The following FBXW7 variants were observed in gnomAD, a reference collection of about 807,000 sequenced individuals.
FBXW7 encodes F-box/WD repeat-containing protein 7.
In FBXW7, 11 loss-of-function variants were observed where a neutral mutation model predicts 86.3. The ratio of observed to expected loss-of-function variants is 0.13; its 90% CI spans 0.08 to 0.21. The LOEUF (loss-of-function observed/expected upper bound fraction) is 0.21. FBXW7 is among the 10% of genes least tolerant of loss of function. FBXW7 has a pLI of 1.00. For missense variants in FBXW7, 488 were observed against 847.4 expected (o/e 0.58, Z 5.27); for synonymous variants, 313 against 297.9 (o/e 1.05, Z -0.52).
At chr4:152,397,125 AGT>A (rs1243964154) in intron 4 of FBXW7, among the ~76,000 whole-genome samples, 1 of 151,976 alleles carries the variant, frequency 6.6e-6, no homozygotes, top group Non-Finnish European at 1.5e-5. Context: ...AGGTGTAAAC[AGT>A]GTGTTTCCTC....
At chr4:152,521,381 G>GGT (rs1220291201) in intron 2 of FBXW7, among the ~76,000 whole-genome samples, 1 of 152,044 alleles carries the variant, frequency 6.6e-6, no homozygotes, top group Non-Finnish European at 1.5e-5. Flanking sequence ...GAAACAGCAA[G>GGT]GTGTAGAGAC....
intron 2 of FBXW7, chr4:152,530,638 T>A (rs191142797): frequency 6.6e-6 from 1 of 152,240 alleles, no homozygotes; most frequent in Non-Finnish European, 1.5e-5. Context: ...TTATGCAGAA[T>A]CATTTTAAAT....
rs748134042 is a variant in FBXW7, at chr4:152,328,192, C to T, written c.1418+16G>A. On this transcript the variant is annotated intron_variant, in intron 11 of 13. Transcript: ENST00000281708. ...ATAGAGGAAGAAGTCCCAACCATGA[C>T]AAGATTTTCCCTTACCTTTTTTCAT... The T allele has an allele frequency of 1.9e-6, 3 of 1,577,164 alleles. No individual in the cohort carries two copies. The highest frequency in any genetic ancestry group is 1.7e-4 in the Middle Eastern group (1 of 5,954).
chr4:152,503,418 C>T (rs1035782079), intron 2 of FBXW7, among the ~76,000 whole-genome samples: 2 of 151,934 alleles, frequency 1.3e-5, no homozygotes, highest in African/African-American at 4.8e-5. Flanking sequence ...TACAGATGCA[C>T]ACCACCACGC....
chr4:152,434,959 C>T (rs1333656671), intron 2 of FBXW7, among the ~76,000 whole-genome samples: 1 of 45,692 alleles, frequency 2.2e-5, no homozygotes. Context: ...TCCCCCCGCT[C>T]CCCCCCCCCC....
intron 2 of FBXW7, among the ~76,000 whole-genome samples, chr4:152,496,322 A>T (rs1027167668): frequency 6.6e-6 from 1 of 152,180 alleles, no homozygotes; most frequent in African/African-American, 2.4e-5. Context: ...TTTTATAAAA[A>T]TTTGCCATTC....
Position 152,483,015 on chromosome 4 carries a change from A to G in FBXW7, c.-120+51926T>C, listed in dbSNP as rs1280360981. ...GGTCACAAAGATCTTATTCTTTTTA[A>G]TCAGCTTGCTAATATTCTAAAATAC... On this transcript the variant is annotated intron_variant, in intron 2 of 13. Transcript: ENST00000281708. Among the ~76,000 whole-genome samples the G allele has an allele frequency of 2.6e-5, 4 of 152,136 alleles. No individual in the cohort carries two copies. The South Asian group carries it at 8.3e-4, about 31-fold the overall frequency.
chr4:152,335,576 T>A (rs938232460), intron 7 of FBXW7, among the ~76,000 whole-genome samples: 1 of 152,244 alleles, frequency 6.6e-6, no homozygotes, highest in African/African-American at 2.4e-5. Context: ...AGATTAGTAT[T>A]TCTTCCTAAA....
rs544980326 is a variant in FBXW7 at position 152,369,745 on chromosome 4, C to A, written c.502-19621G>T. On this transcript the variant is annotated intron_variant, in intron 4 of 13. Transcript: ENST00000281708. The stretch of plus-strand genomic sequence containing the variant: ...ATGACACAGAGTAAGGGCAAAACTG[C>A]ACTGATCTTGGTATTTTCCGGTTTT... Among the ~76,000 whole-genome samples the A allele has an allele frequency of 5.3e-5, 8 of 152,102 alleles. No homozygotes were observed. The South Asian group carries it at 1.7e-3, about 32-fold the overall frequency.
chr4:152,483,447 T>C (rs1745068474), intron 2 of FBXW7, among the ~76,000 whole-genome samples: 1 of 150,728 alleles, frequency 6.6e-6, no homozygotes, highest in South Asian at 2.1e-4. Flanking sequence ...CTAACACCTG[T>C]AATCCCAGCT....
At chr4:152,323,488 T>C (rs1325503916) in intron 13 of FBXW7, 2 of 314,756 alleles carry the variant, frequency 6.4e-6, no homozygotes, top group Non-Finnish European at 1.2e-5. Context: ...GATGGACAAA[T>C]GAGCACTAAG....
intron 2 of FBXW7, among the ~76,000 whole-genome samples, chr4:152,489,730 T>G (rs1745666025): frequency 2.0e-5 from 3 of 152,074 alleles, no homozygotes; most frequent in African/African-American, 7.2e-5. Flanking sequence ...TAATCCTTAC[T>G]GTGAACATCC....
At chr4:152,366,893 T>G (rs1005824448) in intron 4 of FBXW7, among the ~76,000 whole-genome samples, 2 of 152,116 alleles carry the variant, frequency 1.3e-5, no homozygotes, top group Non-Finnish European at 2.9e-5. Context: ...CCATCAATGA[T>G]AGACTGGATT....
chr4:152,523,668 G>T (rs766527044), intron 2 of FBXW7, among the ~76,000 whole-genome samples: 1 of 152,162 alleles, frequency 6.6e-6, no homozygotes, highest in Non-Finnish European at 1.5e-5. Context: ...TCTATGATAC[G>T]CTTTTAGGGT....
intron 4 of FBXW7, chr4:152,382,144 T>G: frequency 2.8e-6 from 4 of 1,419,368 alleles, no homozygotes; most frequent in Non-Finnish European, 3.8e-6. Flanking sequence ...GCCAAGGTAC[T>G]TCACTTAAAT....
intron 2 of FBXW7, among the ~76,000 whole-genome samples, chr4:152,494,755 G>T (rs370425892): frequency 6.6e-6 from 1 of 152,288 alleles, no homozygotes; most frequent in East Asian, 1.9e-4. Context: ...CCCAGAATAA[G>T]TAAAATCTAC....
intron 2 of FBXW7, among the ~76,000 whole-genome samples, chr4:152,425,806 A>G (rs1371355100): frequency 2.6e-5 from 4 of 152,194 alleles, no homozygotes; most frequent in African/African-American, 4.8e-5. Flanking sequence ...AAATAAGCCA[A>G]CAGGCCACAT....
Position 152,321,241 on chromosome 4 carries a change from G to T in FBXW7, c.*1640C>A. On this transcript the variant is annotated 3_prime_UTR_variant, in exon 14 of 14. Coordinates refer to ENST00000281708, the MANE Select transcript of FBXW7 (RefSeq NM_001349798.2). ...TATAATGAAGGATTATTACTTCAGT[G>T]GAAGAAACAGGCATACTAACATGAA... 1 of 229,628 alleles carries T rather than the reference G, an allele frequency of 4.4e-6. No individual in the cohort carries two copies. The highest frequency in any genetic ancestry group is 8.6e-6 in the Non-Finnish European group (1 of 115,636). The allele number at this position is 229,628 out of a possible 1,614,324, so 14.2% of individuals were successfully genotyped here.
intron 2 of FBXW7, among the ~76,000 whole-genome samples, chr4:152,511,490 A>T (rs118187639): frequency 6.6e-6 from 1 of 152,046 alleles, no homozygotes. Context: ...TCAGGTGGAT[A>T]TATCTTTTGA....
Sources: gnomAD v4.1 joint callset for allele counts (sites outside exome capture counted in the v4.1 genomes callset) on GRCh38, gnomAD v4.1.1 for gene constraint, MANE v1.5 for transcripts, NCBI Gene and HGNC (gene_info 2026-07-23, HGNC 2026-07-21) for gene names.